The following FAAH2 variants were observed in gnomAD, a reference collection of about 807,000 sequenced individuals.
FAAH2 encodes fatty-acid amide hydrolase 2.
FAAH2 carries 60 observed loss-of-function variants against 36.9 expected under a neutral mutation model. The ratio of observed to expected loss-of-function variants is 1.63; its 90% CI spans 1.32 to 2.02. FAAH2 has a LOEUF of 2.02. Ranked by LOEUF, FAAH2 falls within the 30% of genes most tolerant of loss-of-function variation. The probability of loss-of-function intolerance (pLI) is 0.00; values close to 1 mark genes in which losing one functional copy is unlikely to be tolerated. For synonymous variants in FAAH2, 214 were observed against 143.8 expected, an observed-to-expected ratio of 1.49 and a Z score of -3.49; for missense variants, 689 against 397.5, an observed-to-expected ratio of 1.73 and a Z score of -6.23.
chrX:57,324,000 C>T (rs1393565529), intron 3 of FAAH2, among the ~76,000 whole-genome samples: 2 of 111,631 alleles, frequency 1.8e-5, no homozygotes, highest in Admixed American at 1.9e-4. Context: ...TTTAATCCAT[C>T]TTGAATTAAT....
the FAAH2 span, among the ~76,000 whole-genome samples, chrX:57,130,656 G>A: frequency 2.7e-5 from 3 of 112,378 alleles, no homozygotes; most frequent in Non-Finnish European, 5.6e-5. Flanking sequence ...TGGTCAATCA[G>A]TGGTATAGTT....
the FAAH2 span, among the ~76,000 whole-genome samples, chrX:57,152,493 C>A: frequency 8.9e-6 from 1 of 112,637 alleles, no homozygotes; most frequent in East Asian, 2.8e-4. Flanking sequence ...CCCAGCCTCG[C>A]TGCTGCCTTG....
chrX:57,346,225 T>C (rs925116070), intron 5 of FAAH2, among the ~76,000 whole-genome samples: 4 of 111,665 alleles, frequency 3.6e-5, no homozygotes, highest in Non-Finnish European at 7.5e-5. Flanking sequence ...AGTGGGGTTT[T>C]GAAATCTCCC....
At chrX:57,212,226 CCT>C in the FAAH2 span, among the ~76,000 whole-genome samples, 1 of 111,735 alleles carries the variant, frequency 8.9e-6, no homozygotes, top group East Asian at 2.8e-4. Flanking sequence ...AGAGCCAGAC[CCT>C]GTCTCTACAA....
At chrX:57,439,322 T>A (rs1189451390) in intron 8 of FAAH2, among the ~76,000 whole-genome samples, 1 of 111,518 alleles carries the variant, frequency 9.0e-6, no homozygotes, top group Non-Finnish European at 1.9e-5. Flanking sequence ...TATCTCATTG[T>A]GGTTTTGATT....
the FAAH2 span, among the ~76,000 whole-genome samples, chrX:57,260,626 T>G: frequency 8.9e-6 from 1 of 111,839 alleles, no homozygotes; most frequent in African/African-American, 3.2e-5. Flanking sequence ...TGGCAAAACA[T>G]GTATTTAGCA....
intron 10 of FAAH2, among the ~76,000 whole-genome samples, chrX:57,481,752 C>T (rs1371713044): frequency 8.9e-6 from 1 of 112,256 alleles, no homozygotes; most frequent in Admixed American, 9.4e-5. Context: ...GGTCCCTTGG[C>T]AGAGCTGGTG....
At chrX:57,273,497 C>T in the FAAH2 span, among the ~76,000 whole-genome samples, 14 of 111,354 alleles carry the variant, frequency 1.3e-4, no homozygotes, top group Admixed American at 1.1e-3. Context: ...TTAAAATTGA[C>T]CACATAATTG....
intron 4 of FAAH2, among the ~76,000 whole-genome samples, chrX:57,334,129 G>T (rs762975519): frequency 9.1e-6 from 1 of 110,161 alleles, no homozygotes; most frequent in Admixed American, 9.7e-5. Flanking sequence ...AATTAGCCAG[G>T]CCTGGCAGCA....
the FAAH2 span, among the ~76,000 whole-genome samples, chrX:57,161,866 A>C: frequency 8.1e-5 from 9 of 111,288 alleles, no homozygotes; most frequent in Non-Finnish European, 1.7e-4. Flanking sequence ...TTACATTTAA[A>C]GTTAATATTG....
chrX:57,485,288 G>A (rs747275831), intron 10 of FAAH2, among the ~76,000 whole-genome samples: 6 of 111,512 alleles, frequency 5.4e-5, no homozygotes, highest in East Asian at 5.7e-4. Flanking sequence ...GGCAGTGGTG[G>A]CTGCAAAATG....
In FAAH2 at chrX:57,410,128, T is replaced by A. The variant is rs189356279; in HGVS notation, c.997-21790T>A. Among the ~76,000 whole-genome samples, 988 of 111,037 alleles carry A rather than the reference T, an allele frequency of 8.9e-3. 42 individuals carry two copies. Among genetic ancestry groups the A allele is most frequent in the Admixed American group, 0.082 (847 of 10,360 alleles). On this transcript the variant is annotated intron_variant, in intron 7 of 10. Transcript: ENST00000374900. ...TAATTTCCTTTTATTAGTTGACCCA[T>A]TTTTTTTCAGAAGGATATTTGTTTA...
At position 57,459,240 on chromosome X, in the gene FAAH2, G is replaced by A. The variant is rs1021038904; in HGVS notation, c.1423+10522G>A. Among the ~76,000 whole-genome samples, 11 of 112,286 alleles carry A rather than the reference G, an allele frequency of 9.8e-5. No homozygotes were observed. The East Asian group carries it at 2.8e-3, about 29-fold the overall frequency. On this transcript the variant is annotated intron_variant, in intron 10 of 10. Coordinates refer to ENST00000374900, the MANE Select transcript of FAAH2 (RefSeq NM_174912.4). Reference sequence around the variant, plus strand: ...TACAGGCTGAAGGGAAATCAACACAGCATGGCAAAAGCAGCTATGGCCAGA... The same window carrying A: ...TACAGGCTGAAGGGAAATCAACACAACATGGCAAAAGCAGCTATGGCCAGA...
chrX:57,454,781 A>T (rs1408131749), intron 10 of FAAH2, among the ~76,000 whole-genome samples: 1 of 111,851 alleles, frequency 8.9e-6, no homozygotes, highest in Non-Finnish European at 1.9e-5. Context: ...AAAATGAAAA[A>T]ATCCTTTGAG....
At chrX:57,245,404 A>AC in the FAAH2 span, among the ~76,000 whole-genome samples, 1 of 111,767 alleles carries the variant, frequency 8.9e-6, no homozygotes, top group Non-Finnish European at 1.9e-5. Flanking sequence ...AGAACTCTCC[A>AC]CCCCAAATCA....
the FAAH2 span, among the ~76,000 whole-genome samples, chrX:57,130,664 G>A: frequency 8.9e-6 from 1 of 112,324 alleles, no homozygotes; most frequent in Non-Finnish European, 1.9e-5. Flanking sequence ...CAGTGGTATA[G>A]TTTACTTCCT....
intron 8 of FAAH2, among the ~76,000 whole-genome samples, chrX:57,442,744 T>G (rs1280879245): frequency 3.6e-5 from 4 of 111,989 alleles, no homozygotes; most frequent in Non-Finnish European, 7.5e-5. Flanking sequence ...GCAGTGGCTG[T>G]TACTGGTTGT....
At chrX:57,478,395 T>C (rs1460842284) in intron 10 of FAAH2, among the ~76,000 whole-genome samples, 3 of 111,745 alleles carry the variant, frequency 2.7e-5, no homozygotes, top group Non-Finnish European at 5.6e-5. Flanking sequence ...ATTAGCCCTT[T>C]GTCAGATGAG....
the FAAH2 span, among the ~76,000 whole-genome samples, chrX:57,245,585 C>A: frequency 8.9e-6 from 1 of 112,102 alleles, no homozygotes; most frequent in South Asian, 3.7e-4. Context: ...TCACTCGAAA[C>A]CCCACAACTT....
Sources: allele counts gnomAD v4.1 joint callset (sites outside exome capture counted in the v4.1 genomes callset), GRCh38; gene constraint gnomAD v4.1.1; transcripts MANE v1.5; gene names NCBI Gene and HGNC (gene_info 2026-07-23, HGNC 2026-07-21).